DENND1A: variants seen among roughly 807,000 people sequenced by gnomAD.
The protein encoded by DENND1A is DENN domain containing 1A.
DENND1A carries 51 observed loss-of-function variants against 113.7 expected under a neutral mutation model. That is an observed-to-expected ratio of 0.45 (90% CI 0.36 to 0.57). The LOEUF is 0.57. Among genes scored for constraint, DENND1A ranks in the 20% least tolerant of loss-of-function variants. The probability of loss-of-function intolerance (pLI) is 0.00; values close to 1 mark genes in which losing one functional copy is unlikely to be tolerated. For synonymous variants in DENND1A, 565 were observed against 570.8 expected, an observed-to-expected ratio of 0.99 and a Z score of 0.14; for missense variants, 1,258 against 1,395.9, an observed-to-expected ratio of 0.90 and a Z score of 1.57.
At position 123,381,479 on chromosome 9, in the gene DENND1A, G is replaced by A. The variant is rs746917881; in HGVS notation, c.3166C>T (p.Pro1056Ser). 1.9e-6 allele frequency: 3 copies of A among 1,613,606 alleles called. No individual in the cohort carries two copies. Among genetic ancestry groups the A allele is most frequent in the Admixed American group, 1.7e-5 (1 of 60,030 alleles). ...VSPSPALAPA[P>S]DSVEQLRKQW... ...TTCCTGAGCTGCTCCACCGAGTCTG[G>A]GGCCGGGGCCAGGGCCGGACTCGGG... Residue 1056 changes from proline to serine, a missense_variant, in exon 24 of 24, where the codon CCA becomes TCA. Physicochemically the swap from Pro to Ser is moderately conservative, Grantham distance 74. Transcript: ENST00000394215. This position sits in a 1 kb window ranked among gnomAD's most constrained non-coding sequence, Gnocchi z 4.7.
intron 3 of DENND1A, among the ~76,000 whole-genome samples, chr9:123,778,449 A>G (rs1830767820): frequency 6.6e-6 from 1 of 152,202 alleles, no homozygotes; most frequent in African/African-American, 2.4e-5. Flanking sequence ...TTCAACAGGT[A>G]AGTCACTCTT....
intron 3 of DENND1A, among the ~76,000 whole-genome samples, chr9:123,780,961 C>G (rs562522918): frequency 9.2e-5 from 14 of 152,256 alleles, no homozygotes; most frequent in African/African-American, 3.4e-4. Flanking sequence ...ACCTTGAAAA[C>G]TAAGTTAAAT....
At chr9:123,767,501 T>C (rs1266127214) in intron 4 of DENND1A, among the ~76,000 whole-genome samples, 1 of 152,162 alleles carries the variant, frequency 6.6e-6, no homozygotes, top group Admixed American at 6.5e-5. Context: ...CAAAAAGGCA[T>C]CAGATATTTT....
At chr9:123,566,458 T>C (rs73578176) in intron 12 of DENND1A, among the ~76,000 whole-genome samples, 5,556 of 152,224 alleles carry the variant, frequency 0.036, 367 homozygotes, top group African/African-American at 0.13. Context: ...CCCTGACAAC[T>C]TGTGGGCTGT....
At chr9:123,428,332 G>A (rs1221700294) in intron 19 of DENND1A, among the ~76,000 whole-genome samples, 1 of 152,072 alleles carries the variant, frequency 6.6e-6, no homozygotes, top group Non-Finnish European at 1.5e-5. Flanking sequence ...GCAGAAAAGG[G>A]CTTTGATGAA....
chr9:123,715,286 T>G (rs1365090608), intron 5 of DENND1A, among the ~76,000 whole-genome samples: 2 of 152,226 alleles, frequency 1.3e-5, no homozygotes, highest in African/African-American at 2.4e-5. Context: ...AAAATAACTG[T>G]GATTTATAGA....
intron 1 of DENND1A, among the ~76,000 whole-genome samples, chr9:123,905,559 A>G (rs1419144022): frequency 2.9e-5 from 4 of 137,620 alleles, no homozygotes; most frequent in Non-Finnish European, 6.2e-5. Context: ...TTGCAATCCT[A>G]GTCTCTGATA....
chr9:123,756,270 C>G (rs2070536715), intron 5 of DENND1A, among the ~76,000 whole-genome samples: 1 of 152,092 alleles, frequency 6.6e-6, no homozygotes, highest in Non-Finnish European at 1.5e-5. Context: ...GTGAGGGTAC[C>G]AGTACCCTTA....
intron 13 of DENND1A, among the ~76,000 whole-genome samples, chr9:123,516,844 C>T (rs1332837246): frequency 2.3e-5 from 3 of 130,044 alleles, no homozygotes; most frequent in African/African-American, 9.4e-5. Flanking sequence ...AGATCACACA[C>T]CACTGCACTC....
At chr9:123,694,502 G>T (rs917361836) in intron 5 of DENND1A, among the ~76,000 whole-genome samples, 18 of 152,154 alleles carry the variant, frequency 1.2e-4, no homozygotes, top group African/African-American at 4.1e-4. Context: ...ATAGCCTAAA[G>T]GACATCCTGA....
At chr9:123,454,665 A>C in intron 16 of DENND1A, 74 bp downstream of exon 16, 1 of 1,433,346 alleles carries the variant, frequency 7.0e-7, no homozygotes. Flanking sequence ...TGGAAGGGGA[A>C]GCACAGGGAA....
chr9:123,731,305 T>C (rs2068152724), intron 5 of DENND1A, among the ~76,000 whole-genome samples: 1 of 152,184 alleles, frequency 6.6e-6, no homozygotes, highest in Non-Finnish European at 1.5e-5. Flanking sequence ...TAATGCTATC[T>C]GATTTCAAGA....
intron 5 of DENND1A, among the ~76,000 whole-genome samples, chr9:123,744,768 C>CTTTTTTTTTTTTT (rs1564184468): frequency 7.2e-6 from 1 of 137,950 alleles, no homozygotes. Context: ...CTTATATTAG[C>CTTTTTTTTTTTTT]TCTTTTTTTT....
chr9:123,650,973 A>G (rs2062618220), intron 9 of DENND1A, among the ~76,000 whole-genome samples: 1 of 151,822 alleles, frequency 6.6e-6, no homozygotes, highest in South Asian at 2.1e-4. Flanking sequence ...AGTTGAATAA[A>G]TACATGATAA....
At chr9:123,583,364 A>T in intron 11 of DENND1A, 94 bp from the exon 12 acceptor site, 2 of 890,438 alleles carry the variant, frequency 2.2e-6, no homozygotes, top group Non-Finnish European at 3.5e-6. Flanking sequence ...ATAGAGAAGG[A>T]AAGTGACATT....
chr9:123,399,562 G>C (rs2043317422), intron 21 of DENND1A, among the ~76,000 whole-genome samples: 1 of 152,148 alleles, frequency 6.6e-6, no homozygotes. Flanking sequence ...AGGGATGTTG[G>C]TGAATGTCAT....
At chr9:123,924,167 G>A (rs1459313524) in intron 1 of DENND1A, among the ~76,000 whole-genome samples, 1 of 152,154 alleles carries the variant, frequency 6.6e-6, no homozygotes, top group Non-Finnish European at 1.5e-5. Context: ...CACGCAGGAC[G>A]GGTTATATAT....
intron 5 of DENND1A, among the ~76,000 whole-genome samples, chr9:123,729,409 CA>C (rs755208017): frequency 6.6e-6 from 1 of 152,180 alleles, no homozygotes; most frequent in Non-Finnish European, 1.5e-5. Flanking sequence ...GCAACTTCAG[CA>C]AAGTCTCAGG....
At chr9:123,736,421 T>C (rs962479852) in intron 5 of DENND1A, 2 of 152,178 alleles carry the variant, frequency 1.3e-5, no homozygotes, top group Non-Finnish European at 2.9e-5. Flanking sequence ...AAGGAAAAAG[T>C]CCCTTGCCCT....
Sources: allele counts gnomAD v4.1 joint callset (sites outside exome capture counted in the v4.1 genomes callset), GRCh38; gene constraint gnomAD v4.1.1; non-coding constraint Gnocchi (gnomAD v3.1); transcripts MANE v1.5; gene names NCBI Gene and HGNC (gene_info 2026-07-23, HGNC 2026-07-21).